Variants in TPRG1 observed in about 807,000 individuals in gnomAD.
TPRG1 encodes tumor protein p63-regulated gene 1 protein.
Under a neutral mutation model 29.3 loss-of-function variants are expected in TPRG1, and 29 were observed. The observed-to-expected ratio is 0.99, with a 90% confidence interval of 0.74 to 1.35. The LOEUF is 1.35. Among genes scored for constraint, TPRG1 ranks in the 40% most tolerant of loss-of-function variants. The pLI, the probability that TPRG1 is intolerant of heterozygous loss-of-function variation, is 0.00. For synonymous variants in TPRG1, 130 were observed against 116.8 expected, an observed-to-expected ratio of 1.11 and a Z score of -0.73; for missense variants, 327 against 335.0, an observed-to-expected ratio of 0.98 and a Z score of 0.19.
chr3:189,308,090 G>A (rs555660159), intron 4 of TPRG1, among the ~76,000 whole-genome samples: 152 of 152,304 alleles, frequency 1.0e-3, no homozygotes, highest in Admixed American at 6.9e-3. Flanking sequence ...GCATGACTGA[G>A]GTCATGGAAT....
chr3:189,171,830 G>A (rs1384155945), upstream of TPRG1: 1 of 152,240 alleles, frequency 6.6e-6, no homozygotes, highest in Non-Finnish European at 1.5e-5. Flanking sequence ...GAGAGGACAG[G>A]AGGTAAAGGT....
At chr3:189,317,234 G>A (rs1337888201) in intron 5 of TPRG1, among the ~76,000 whole-genome samples, 1 of 152,176 alleles carries the variant, frequency 6.6e-6, no homozygotes, top group Non-Finnish European at 1.5e-5. Context: ...AGACTTTGTT[G>A]CAATAGAATT....
chr3:189,230,128 A>G (rs998061947), intron 3 of TPRG1, among the ~76,000 whole-genome samples: 2 of 152,156 alleles, frequency 1.3e-5, no homozygotes, highest in Admixed American at 6.5e-5. Flanking sequence ...TACTTGAGCT[A>G]TTCAGTGGTC....
upstream of TPRG1, among the ~76,000 whole-genome samples, chr3:189,171,310 C>G (rs1728784729): frequency 6.6e-6 from 1 of 152,224 alleles, no homozygotes; most frequent in African/African-American, 2.4e-5. Context: ...TTGCTATAGG[C>G]TGCAAAGCCA....
chr3:189,233,236 T>G (rs76801450), intron 3 of TPRG1, among the ~76,000 whole-genome samples: 2,254 of 148,892 alleles, frequency 0.015, 69 homozygotes, highest in African/African-American at 0.055. Flanking sequence ...AATATTAAAA[T>G]AAAATCTTTC....
intron 4 of TPRG1, among the ~76,000 whole-genome samples, chr3:189,093,820 T>G (rs928788608): frequency 6.6e-6 from 1 of 152,196 alleles, no homozygotes; most frequent in African/African-American, 2.4e-5. Flanking sequence ...ACAATCCTGA[T>G]GTTCTGTACT....
At chr3:189,147,914 A>G (rs1441527957) in intron 4 of TPRG1, among the ~76,000 whole-genome samples, 1 of 152,172 alleles carries the variant, frequency 6.6e-6, no homozygotes, top group Non-Finnish European at 1.5e-5. Flanking sequence ...AAAGATGGTC[A>G]CCTTGCACTT....
chr3:189,275,993 G>A (rs930459276), intron 4 of TPRG1, among the ~76,000 whole-genome samples: 2 of 152,100 alleles, frequency 1.3e-5, no homozygotes, highest in Non-Finnish European at 2.9e-5. Context: ...ATCATAGAAA[G>A]CTTCTTAAAG....
At chr3:189,309,088 T>G (rs1393631430) in intron 4 of TPRG1, among the ~76,000 whole-genome samples, 8 of 150,018 alleles carry the variant, frequency 5.3e-5, no homozygotes, top group African/African-American at 1.5e-4. Context: ...TTTTTCATTT[T>G]TCTTCTTGGG....
Position 189,046,771 on chromosome 3 carries a change from T to A in TPRG1, c.-463+22825T>A, listed in dbSNP as rs951559122. Among the ~76,000 whole-genome samples, 4 of 152,230 alleles carry A rather than the reference T, an allele frequency of 2.6e-5. No individual in the cohort carries two copies. The South Asian group carries it at 8.3e-4, about 32-fold the overall frequency. The stretch of plus-strand genomic sequence containing the variant: ...ATTAAAGATATTTGCATTATACTTT[T>A]CCTATAGTGGAAGTTGCCCAGGGAA... On this transcript the variant is annotated intron_variant, in intron 4 of 10. Transcript: ENST00000433971.
chr3:189,275,502 AGGT>A (rs1305813525), intron 4 of TPRG1, among the ~76,000 whole-genome samples: 1 of 152,202 alleles, frequency 6.6e-6, no homozygotes, highest in East Asian at 1.9e-4. Context: ...AGATAGTAAC[AGGT>A]GGGAAGTTGG....
In TPRG1 at chr3:189,321,989, A is replaced by T. The variant is rs1471043479; in HGVS notation, c.*1169A>T. ...TCCTCTTTGTCTCTTCCCGACTTAGATCTAATTTTCAACAACCCAGGAAAT... is the reference window on the plus strand; with the variant it reads ...TCCTCTTTGTCTCTTCCCGACTTAGTTCTAATTTTCAACAACCCAGGAAAT... On this transcript the variant is annotated 3_prime_UTR_variant, in exon 6 of 6. Coordinates refer to ENST00000345063, the MANE Select transcript of TPRG1 (RefSeq NM_198485.4). The T allele has an allele frequency of 6.6e-6, 1 of 152,038 alleles. No homozygotes were observed. Among genetic ancestry groups the T allele is most frequent in the Non-Finnish European group, 1.5e-5 (1 of 67,984 alleles). 9.4% of individuals were successfully genotyped at this position (152,038 alleles called of 1,614,324 possible).
chr3:189,090,515 A>C (rs1560438284), intron 4 of TPRG1, among the ~76,000 whole-genome samples: 1 of 152,028 alleles, frequency 6.6e-6, no homozygotes, highest in Non-Finnish European at 1.5e-5. Flanking sequence ...AAGATATTTC[A>C]TTGTTTTTGC....
chr3:189,186,862 A>G (rs1297912396), intron 1 of TPRG1, among the ~76,000 whole-genome samples: 2 of 152,138 alleles, frequency 1.3e-5, no homozygotes, highest in Non-Finnish European at 2.9e-5. Context: ...GCTAGATTTC[A>G]TATATTCTGC....
Position 189,218,809 on chromosome 3 carries a change from T to G in TPRG1, c.302+3426T>G, listed in dbSNP as rs148153399. Among the ~76,000 whole-genome samples, 961 of 152,312 alleles carry G rather than the reference T, an allele frequency of 6.3e-3. 6 individuals are homozygous for G. The highest frequency in any genetic ancestry group is 0.021 in the African/African-American group (857 of 41,572). On this transcript the variant is annotated intron_variant, in intron 3 of 5. Coordinates refer to ENST00000345063, the MANE Select transcript of TPRG1 (RefSeq NM_198485.4). Reference sequence around the variant, plus strand: ...ATTGGGTTCTAATTCTTTCCAAAGATGCAGGTGTGAGTTGATTGATGAACT... The same window carrying G: ...ATTGGGTTCTAATTCTTTCCAAAGAGGCAGGTGTGAGTTGATTGATGAACT...
At chr3:189,162,273 A>G (rs1727591772) in intron 5 of TPRG1, among the ~76,000 whole-genome samples, 1 of 152,126 alleles carries the variant, frequency 6.6e-6, no homozygotes, top group African/African-American at 2.4e-5. Context: ...GATTACAGGC[A>G]TGAGCCATCG....
intron 4 of TPRG1, among the ~76,000 whole-genome samples, chr3:189,263,562 AAAACT>A (rs1713517118): frequency 6.6e-6 from 1 of 152,218 alleles, no homozygotes; most frequent in Non-Finnish European, 1.5e-5. Context: ...GTTCACAGTT[AAAACT>A]AGTTTGAAAG....
intron 4 of TPRG1, among the ~76,000 whole-genome samples, chr3:189,074,639 T>G (rs968941177): frequency 1.3e-5 from 2 of 152,222 alleles, no homozygotes; most frequent in African/African-American, 4.8e-5. Flanking sequence ...TGTGCTGTTC[T>G]TTCTTTAACT....
chr3:189,217,296 G>A (rs928890871), intron 3 of TPRG1, among the ~76,000 whole-genome samples: 1 of 152,166 alleles, frequency 6.6e-6, no homozygotes, highest in African/African-American at 2.4e-5. Context: ...AACCCAGCTT[G>A]AACCTAAATA....
Sources: allele counts gnomAD v4.1 joint callset (sites outside exome capture counted in the v4.1 genomes callset), GRCh38; gene constraint gnomAD v4.1.1; transcripts MANE v1.5; gene names NCBI Gene and HGNC (gene_info 2026-07-23, HGNC 2026-07-21).